Variants in SLC25A4 observed in about 807,000 individuals in gnomAD.
SLC25A4 encodes solute carrier family 25 member 4.
In SLC25A4, 10 loss-of-function variants were observed where a neutral mutation model predicts 24.7. That is an observed-to-expected ratio of 0.41 (90% CI 0.25 to 0.69). The LOEUF is 0.69. Ranked by LOEUF, SLC25A4 falls within the 30% of genes least tolerant of loss-of-function variation. The probability of loss-of-function intolerance (pLI) is 0.35; values close to 1 mark genes in which losing one functional copy is unlikely to be tolerated. For synonymous variants in SLC25A4, 125 were observed against 153.3 expected (o/e 0.82, Z 1.36); for missense variants, 273 against 387.6 (o/e 0.70, Z 2.48).
chr4:185,147,153 G>C lies in SLC25A4; in HGVS notation c.*182G>C, dbSNP rs1734456514. 3 of 564,796 alleles carry C rather than the reference G, an allele frequency of 5.3e-6. No individual in the cohort carries two copies. The highest frequency in any genetic ancestry group is 5.0e-5 in the South Asian group (2 of 40,282). The allele number at this position is 564,796 out of a possible 1,614,324, so 35.0% of individuals were successfully genotyped here. A position where few individuals can be genotyped will look rare whatever the true frequency, so the allele number is the denominator to read the frequency against. The stretch of plus-strand genomic sequence containing the variant: ...GTTCATTAAACCACACATGTATTTT[G>C]TATTTATTTTACATTTAAATTCCCA... On this transcript the variant is annotated 3_prime_UTR_variant, in exon 4 of 4. Coordinates refer to ENST00000281456, the MANE Select transcript of SLC25A4 (RefSeq NM_001151.4).
At position 185,147,009 on chromosome 4, in the gene SLC25A4, T is replaced by C; in HGVS notation, c.*38T>C. The C allele has an allele frequency of 1.9e-6, 3 of 1,580,804 alleles. No homozygotes were observed. Among genetic ancestry groups the C allele is most frequent in the Non-Finnish European group, 2.6e-6 (3 of 1,151,806 alleles). On this transcript the variant is annotated 3_prime_UTR_variant, in exon 4 of 4. Transcript: ENST00000281456. ...ACAAGTTCACAGATTTACAGTGAAC[T>C]TGATCTACAAGTTCACAGATCCATT...
Position 185,149,105 on chromosome 4 carries a change from C to CGCTG in SLC25A4, c.*2134_*2135insGCTG, listed in dbSNP as rs1482392607. 4.6e-5 allele frequency: 7 copies of CGCTG among 152,418 alleles called. No individual in the cohort carries two copies. Among genetic ancestry groups the CGCTG allele is most frequent in the Middle Eastern group, 3.4e-3 (1 of 298 alleles). 9.4% of individuals were successfully genotyped at this position (152,418 alleles called of 1,614,324 possible). ...CCTGTCTCCTCGAGGCCAGGCAGCACATGTGCAGTTAAGAGGCCTCCTGGA... is the reference window on the plus strand; with the variant it reads ...CCTGTCTCCTCGAGGCCAGGCAGCACGCTGATGTGCAGTTAAGAGGCCTCCTGGA... On this transcript the variant is annotated 3_prime_UTR_variant, in exon 4 of 4. Transcript: ENST00000281456.
Position 185,149,891 on chromosome 4 carries a change from T to A in SLC25A4, c.*2920T>A, listed in dbSNP as rs1468418364. On this transcript the variant is annotated 3_prime_UTR_variant, in exon 4 of 4. Transcript: ENST00000281456. ...GTATGAGAAAAATTATGGAGGATGA[T>A]GCAAGATGAGTGAGTCCATAATGGT... 2.0e-5 allele frequency: 3 copies of A among 152,332 alleles called. No individual in the cohort carries two copies. The East Asian group carries it at 5.8e-4, about 29-fold the overall frequency. The allele number at this position is 152,332 out of a possible 1,614,324, so 9.4% of individuals were successfully genotyped here.
Position 185,145,289 on chromosome 4 carries a change from A to C in SLC25A4, c.598+39A>C. 6.2e-7 allele frequency: 1 copy of C among 1,612,946 alleles called. No individual in the cohort carries two copies. The highest frequency in any genetic ancestry group is 1.7e-5 in the Admixed American group (1 of 60,012). On this transcript the variant is annotated intron_variant, in intron 2 of 3. Coordinates refer to ENST00000281456, the MANE Select transcript of SLC25A4 (RefSeq NM_001151.4). This position sits in a 1 kb window ranked among gnomAD's most constrained non-coding sequence, Gnocchi z 5.5. ...ATCGGGGAGAAGGAGGGTGGTGTGGAAAGAGGATCCTATGGGATCTATAAC... is the reference window on the plus strand; with the variant it reads ...ATCGGGGAGAAGGAGGGTGGTGTGGCAAGAGGATCCTATGGGATCTATAAC...
At chr4:185,144,689 C>T in intron 1 of SLC25A4, 75 bp from the exon 2 acceptor site, 16 of 1,446,518 alleles carry the variant, frequency 1.1e-5, no homozygotes, top group Non-Finnish European at 1.5e-5. Context: ...GAAGTGCAAA[C>T]CTTTTTTTTT....
chr4:185,146,029 G>A, intron 3 of SLC25A4, 130 bp downstream of exon 3: 1 of 1,119,248 alleles, frequency 8.9e-7, no homozygotes, highest in South Asian at 1.4e-5. Context: ...AGGGAAGAAA[G>A]ATGGTATTAA....
At chr4:185,144,284 T>C (rs1734397875) in intron 1 of SLC25A4, among the ~76,000 whole-genome samples, 1 of 152,172 alleles carries the variant, frequency 6.6e-6, no homozygotes, top group Non-Finnish European at 1.5e-5. Context: ...GGATTTATTC[T>C]CCTTCCTCTA....
intron 3 of SLC25A4, 107 bp from the exon 4 acceptor site, chr4:185,146,707 A>T: frequency 7.5e-7 from 1 of 1,324,600 alleles, no homozygotes; most frequent in Non-Finnish European, 1.1e-6. Flanking sequence ...CCATGCCCAG[A>T]TGACCCTGAT....
Position 185,147,707 on chromosome 4 carries a change from A to G in SLC25A4, c.*736A>G, listed in dbSNP as rs1049456224. The G allele has an allele frequency of 6.6e-6, 1 of 152,258 alleles. No homozygotes were observed. Among genetic ancestry groups the G allele is most frequent in the Non-Finnish European group, 1.5e-5 (1 of 68,126 alleles). 9.4% of individuals were successfully genotyped at this position (152,258 alleles called of 1,614,324 possible). A position where few individuals can be genotyped will look rare whatever the true frequency, so the allele number is the denominator to read the frequency against. On this transcript the variant is annotated 3_prime_UTR_variant, in exon 4 of 4. Coordinates refer to ENST00000281456, the MANE Select transcript of SLC25A4 (RefSeq NM_001151.4). The stretch of plus-strand genomic sequence containing the variant: ...TTCATTGAAAATCAAGGCCAGGTGC[A>G]GTGGCTCACACCTGTCACCCCAGCA...
chr4:185,145,402 T>A lies in SLC25A4; in HGVS notation c.598+152T>A, dbSNP rs2111286226. ...TGAATGAGGAGGTGATGTGCATAAG[T>A]TAATAGCTGAAGCGTTCCTTGTGTC... On this transcript the variant is annotated intron_variant, in intron 2 of 3. Coordinates refer to ENST00000281456, the MANE Select transcript of SLC25A4 (RefSeq NM_001151.4). The surrounding 1 kb of genome is among the most constrained non-coding windows in gnomAD (Gnocchi z 5.5). The A allele has an allele frequency of 3.4e-6, 4 of 1,174,534 alleles. No homozygotes were observed. Among genetic ancestry groups the A allele is most frequent in the East Asian group, 2.4e-5 (1 of 41,388 alleles). The allele number at this position is 1,174,534 out of a possible 1,614,324, so 72.8% of individuals were successfully genotyped here.
chr4:185,149,502 C>T lies in SLC25A4; in HGVS notation c.*2531C>T, dbSNP rs956943482. ...GCCCTGCTGAGCTAGTTCCTCACCG[C>T]AGCTACTTAACTCACCATGAATTCC... is the stretch of plus-strand genomic sequence containing the variant. On this transcript the variant is annotated 3_prime_UTR_variant, in exon 4 of 4. Transcript: ENST00000281456. 1.3e-5 allele frequency: 2 copies of T among 152,244 alleles called. No homozygotes were observed. The highest frequency in any genetic ancestry group is 2.4e-5 in the African/African-American group (1 of 41,436). 9.4% of individuals were successfully genotyped at this position (152,244 alleles called of 1,614,324 possible).
rs773411001 is a variant in SLC25A4, at chr4:185,145,906, TTG to T, written c.739+10_739+11del. ...CAGTCCGGCCGGAAAGGGGGTAAGC[TTG>T]TGCTCTACTCATCTAAACTTGTTTG... is the stretch of plus-strand genomic sequence containing the variant. On this transcript the variant is annotated splice_region_variant and intron_variant, in intron 3 of 3. Coordinates refer to ENST00000281456, the MANE Select transcript of SLC25A4 (RefSeq NM_001151.4). The surrounding 1 kb of genome is among the most constrained non-coding windows in gnomAD (Gnocchi z 5.5). 1 of 1,614,132 alleles carries T rather than the reference TTG, an allele frequency of 6.2e-7. No homozygotes were observed. The highest frequency in any genetic ancestry group is 2.2e-5 in the East Asian group (1 of 44,886).
Position 185,144,874 on chromosome 4 carries a change from C to G in SLC25A4, c.222C>G (p.Asn74Lys). ...EQGFLSFWRGNLANVIRYFPT... is the reference protein window; with the variant it reads ...EQGFLSFWRGKLANVIRYFPT... Reference sequence around the variant, plus strand: ...GCTTCCTCTCCTTCTGGAGGGGTAACCTGGCCAACGTGATCCGTTACTTCC... The same window carrying G: ...GCTTCCTCTCCTTCTGGAGGGGTAAGCTGGCCAACGTGATCCGTTACTTCC... The change falls in exon 2 of 4, where the codon AAC (asparagine) becomes AAG (lysine). Residue 74 changes from asparagine (N) to lysine (K), a missense_variant. Transcript: ENST00000281456. The G allele has an allele frequency of 6.2e-7, 1 of 1,614,158 alleles. No homozygotes were observed. The highest frequency in any genetic ancestry group is 8.5e-7 in the Non-Finnish European group (1 of 1,180,030).
At position 185,149,545 on chromosome 4, in the gene SLC25A4, G is replaced by A. The variant is rs1734501573; in HGVS notation, c.*2574G>A. ...TGAATTCCTAGAACCCTCAGCCTCT[G>A]AGAGTGCTGGGATCTGGCGGGAGAA... On this transcript the variant is annotated 3_prime_UTR_variant, in exon 4 of 4. Coordinates refer to ENST00000281456, the MANE Select transcript of SLC25A4 (RefSeq NM_001151.4). 6.6e-6 allele frequency: 1 copy of A among 152,220 alleles called. No homozygotes were observed. The highest frequency in any genetic ancestry group is 2.4e-5 in the African/African-American group (1 of 41,438). 9.4% of individuals were successfully genotyped at this position (152,220 alleles called of 1,614,324 possible).
chr4:185,145,803 A>G lies in SLC25A4; in HGVS notation c.643A>G (p.Met215Val). The G allele has an allele frequency of 6.2e-7, 1 of 1,614,138 alleles. No individual in the cohort carries two copies. ...PKNVHIFVSW[M>V]IAQSVTAVAG... ...GAACGTGCACATTTTTGTGAGCTGGATGATTGCCCAGAGTGTGACGGCAGT... is the reference window on the plus strand; with the variant it reads ...GAACGTGCACATTTTTGTGAGCTGGGTGATTGCCCAGAGTGTGACGGCAGT... Residue 215 changes from methionine (M) to valine (V), a missense_variant, in exon 3 of 4, where the codon ATG (methionine) becomes GTG (valine). By Grantham distance (21) the Met-to-Val change is conservative. Transcript: ENST00000281456. This position sits in a 1 kb window ranked among gnomAD's most constrained non-coding sequence, Gnocchi z 5.5.
In SLC25A4 at chr4:185,148,980, A is replaced by G. The variant is rs1226452406; in HGVS notation, c.*2009A>G. ...CTGTGTTGCTTTTACCACAGTTACC[A>G]AGGTCTGAGTTTTATAAAATCCAGG... On this transcript the variant is annotated 3_prime_UTR_variant, in exon 4 of 4. Transcript: ENST00000281456. 6.6e-6 allele frequency: 1 copy of G among 152,192 alleles called. No individual in the cohort carries two copies. The highest frequency in any genetic ancestry group is 2.4e-5 in the African/African-American group (1 of 41,428). The allele number at this position is 152,192 out of a possible 1,614,324, so 9.4% of individuals were successfully genotyped here. A position where few individuals can be genotyped will look rare whatever the true frequency, so the allele number is the denominator to read the frequency against.
Position 185,146,979 on chromosome 4 carries a change from A to G in SLC25A4, c.*8A>G. On this transcript the variant is annotated 3_prime_UTR_variant, in exon 4 of 4. Coordinates refer to ENST00000281456, the MANE Select transcript of SLC25A4 (RefSeq NM_001151.4). ...ATCAAAAAATATGTCTAATGTAATT[A>G]AAACACAAGTTCACAGATTTACAGT... The G allele has an allele frequency of 6.2e-7, 1 of 1,612,708 alleles. No homozygotes were observed. The highest frequency in any genetic ancestry group is 8.5e-7 in the Non-Finnish European group (1 of 1,178,868).
chr4:185,149,069 T>C lies in SLC25A4; in HGVS notation c.*2098T>C, dbSNP rs1450982158. 6.6e-6 allele frequency: 1 copy of C among 152,236 alleles called. No homozygotes were observed. The highest frequency in any genetic ancestry group is 1.5e-5 in the Non-Finnish European group (1 of 68,076). The allele number at this position is 152,236 out of a possible 1,614,324, so 9.4% of individuals were successfully genotyped here. Reference sequence around the variant, plus strand: ...AAAGTCTAAAGGGCTAAAAAGAAGGTACCTCTCCATCCTGTCTCCTCGAGG... The same window carrying C: ...AAAGTCTAAAGGGCTAAAAAGAAGGCACCTCTCCATCCTGTCTCCTCGAGG... On this transcript the variant is annotated 3_prime_UTR_variant, in exon 4 of 4. Coordinates refer to ENST00000281456, the MANE Select transcript of SLC25A4 (RefSeq NM_001151.4).
chr4:185,146,782 T>C, intron 3 of SLC25A4, 32 bp from the exon 4 acceptor site: 1 of 1,613,856 alleles, frequency 6.2e-7, no homozygotes, highest in Non-Finnish European at 8.5e-7. Flanking sequence ...CCTCCAGCGT[T>C]ACGGAGCCCT....
Sources: gnomAD v4.1 joint callset for allele counts (sites outside exome capture counted in the v4.1 genomes callset) on GRCh38, gnomAD v4.1.1 for gene constraint, Gnocchi (gnomAD v3.1) non-coding constraint, MANE v1.5 for transcripts, NCBI Gene and HGNC (gene_info 2026-07-23, HGNC 2026-07-21) for gene names.